Variants in LYG2 observed in about 807,000 individuals in gnomAD.
LYG2 encodes lysozyme g2, also known as lysozyme g-like protein 2.
A neutral mutation model predicts 22.4 loss-of-function variants in LYG2; 25 were observed. The observed-to-expected ratio is 1.12, with a 90% CI of 0.81 to 1.56. The LOEUF is 1.56. Among genes scored for constraint, LYG2 ranks in the 40% most tolerant of loss-of-function variants. The pLI, the probability that LYG2 is intolerant of heterozygous loss-of-function variation, is 0.00. For synonymous variants in LYG2, 88 were observed against 97.0 expected (o/e 0.91, Z 0.55); for missense variants, 266 against 269.5 (o/e 0.99, Z 0.09).
intron 1 of LYG2, among the ~76,000 whole-genome samples, 76 bp downstream of exon 1, chr2:99,255,527 A>C (rs546999849): frequency 6.6e-6 from 1 of 152,338 alleles, no homozygotes; most frequent in Non-Finnish European, 1.5e-5. Flanking sequence ...TAAATTTGCG[A>C]ATAAGAAACA....
chr2:99,249,426 C>CAAAAAAAAAAAAAAAA (rs74617660), intron 3 of LYG2, among the ~76,000 whole-genome samples: 24 of 92,584 alleles, frequency 2.6e-4, no homozygotes, highest in Non-Finnish European at 3.7e-4. Context: ...TCTCAAATCT[C>CAAAAAAAAAAAAAAAA]AAAAAAAAAA....
chr2:99,257,718 A>G (rs974530744), upstream of LYG2, among the ~76,000 whole-genome samples: 1 of 152,184 alleles, frequency 6.6e-6, no homozygotes, highest in African/African-American at 2.4e-5. Context: ...AAGACTCTTC[A>G]GTGCAGCAAT....
At position 99,245,392 on chromosome 2, in the gene LYG2, ATCAGAG is replaced by A. The variant is rs753939794; in HGVS notation, c.245_250del (p.Thr82_Leu83del). The stretch of plus-strand genomic sequence containing the variant: ...GCAATGTCTCTGCCCGACTTCTTTG[ATCAGAG>A]TCTGGTAAGGTTTTATGGCCCTCAA... On this transcript the variant is annotated inframe_deletion, in exon 5 of 7. Transcript: ENST00000333017. 3.7e-6 allele frequency: 6 copies of A among 1,613,144 alleles called. No individual in the cohort carries two copies. Among genetic ancestry groups the A allele is most frequent in the Non-Finnish European group, 5.1e-6 (6 of 1,179,512 alleles).
intron 6 of LYG2, chr2:99,243,446 T>TG: frequency 6.5e-7 from 1 of 1,549,960 alleles, no homozygotes; most frequent in Non-Finnish European, 8.7e-7. Flanking sequence ...GGAAAGTTGT[T>TG]GACAGTTTCT....
chr2:99,252,471 T>G (rs1172507737), intron 3 of LYG2, among the ~76,000 whole-genome samples: 1 of 152,108 alleles, frequency 6.6e-6, no homozygotes, highest in African/African-American at 2.4e-5. Context: ...AAGATAAATT[T>G]CATTAGGTCA....
chr2:99,245,452 C>T lies in LYG2; in HGVS notation c.191G>A (p.Arg64His), dbSNP rs762678883. The T allele has an allele frequency of 3.4e-5, 54 of 1,592,236 alleles. No individual in the cohort carries two copies. The highest frequency in any genetic ancestry group is 4.2e-5 in the Non-Finnish European group (49 of 1,164,500). The change falls in exon 5 of 7, where the codon CGT (arginine) becomes CAT (histidine). Residue 64 changes from arginine to histidine, a missense_variant. Arg to His is a conservative substitution (Grantham distance 29). Transcript: ENST00000333017. ...CATCTCAGCAAACATTTCAGAACCACGGATCCCTACGTCAATAGAAAAGAA... is the reference window on the plus strand; with the variant it reads ...CATCTCAGCAAACATTTCAGAACCATGGATCCCTACGTCAATAGAAAAGAA... ...DANSVMNCGI[R>H]GSEMFAEMDL...
intron 3 of LYG2, 64 bp from the exon 4 acceptor site, chr2:99,246,884 A>G: frequency 6.7e-7 from 1 of 1,486,500 alleles, no homozygotes; most frequent in Non-Finnish European, 9.2e-7. Flanking sequence ...TTGCTGCAAT[A>G]AACATCACTA....
chr2:99,254,420 C>T (rs1181096333), intron 2 of LYG2, 135 bp from the exon 3 acceptor site: 1 of 436,102 alleles, frequency 2.3e-6, no homozygotes, highest in Non-Finnish European at 4.1e-6. Flanking sequence ...AGATAGTATT[C>T]TCACAGGCTC....
At chr2:99,259,246 A>G (rs1315413074), upstream of LYG2, among the ~76,000 whole-genome samples, 3 of 152,080 alleles carry the variant, frequency 2.0e-5, no homozygotes, top group South Asian at 2.1e-4. Flanking sequence ...AAAGACTTGT[A>G]TGAGAATCTT....
rs559987298 is a variant in LYG2 at position 99,253,422 on chromosome 2, G to A, written c.43+796C>T. Reference sequence around the variant, plus strand: ...CCATAAGTAACTGGAAATTACTTTCGGGTAGCCTTGTTTTTCCAAATTTAG... The same window carrying A: ...CCATAAGTAACTGGAAATTACTTTCAGGTAGCCTTGTTTTTCCAAATTTAG... On this transcript the variant is annotated intron_variant, in intron 3 of 6. Coordinates refer to ENST00000333017, the MANE Select transcript of LYG2 (RefSeq NM_175735.4). 3.9e-5 allele frequency among the ~76,000 whole-genome samples: 6 copies of A among 152,156 alleles called. No individual in the cohort carries two copies. The South Asian group carries it at 6.2e-4, about 16-fold the overall frequency.
chr2:99,246,961 C>G, intron 3 of LYG2, 141 bp from the exon 4 acceptor site: 1 of 756,456 alleles, frequency 1.3e-6, no homozygotes. Flanking sequence ...GTTCCTCAGA[C>G]AGAAGTTCCC....
At chr2:99,260,325 T>C (rs1014391793), upstream of LYG2, among the ~76,000 whole-genome samples, 19 of 152,200 alleles carry the variant, frequency 1.2e-4, no homozygotes, top group African/African-American at 4.3e-4. Context: ...TAGCCTTCAC[T>C]CATTTAAAGT....
At position 99,245,361 on chromosome 2, in the gene LYG2, G is replaced by A; in HGVS notation, c.282C>T (p.Asp94=). 1.2e-6 allele frequency: 2 copies of A among 1,613,380 alleles called. No individual in the cohort carries two copies. Among genetic ancestry groups the A allele is most frequent in the Non-Finnish European group, 1.7e-6 (2 of 1,179,686 alleles). Reference sequence around the variant, plus strand: ...AGATGATGGCTGCGATGACAGCAGGGTCCACGCAATGTCTCTGCCCGACTT... The same window carrying A: ...AGATGATGGCTGCGATGACAGCAGGATCCACGCAATGTCTCTGCCCGACTT... The part of the protein sequence containing the change: ...IKEVGQRHCV[D]PAVIAAIISR... The change falls in exon 5 of 7, where the codon GAC becomes GAT. Residue 94 remains aspartate (D), a synonymous_variant. Coordinates refer to ENST00000333017, the MANE Select transcript of LYG2 (RefSeq NM_175735.4).
upstream of LYG2, among the ~76,000 whole-genome samples, chr2:99,259,094 A>G (rs1276918289): frequency 1.3e-5 from 2 of 152,168 alleles, no homozygotes; most frequent in African/African-American, 4.8e-5. Context: ...ACTCTCATAC[A>G]TTGCTGGTTG....
At position 99,249,619 on chromosome 2, in the gene LYG2, G is replaced by C. The variant is rs548026997; in HGVS notation, c.44-2799C>G. 2.0e-4 allele frequency among the ~76,000 whole-genome samples: 31 copies of C among 151,734 alleles called. No homozygotes were observed. In the South Asian group the frequency reaches 6.5e-3, roughly 32 times the overall value. On this transcript the variant is annotated intron_variant, in intron 3 of 6. Coordinates refer to ENST00000333017, the MANE Select transcript of LYG2 (RefSeq NM_175735.4). Reference sequence around the variant, plus strand: ...TCTACTAAAAATACAAAATTAGCCAGGCATGGTGGTGCATGCCTGTAATCC... The same window carrying C: ...TCTACTAAAAATACAAAATTAGCCACGCATGGTGGTGCATGCCTGTAATCC...
At chr2:99,243,962 T>C (rs1348773919) in intron 6 of LYG2, 37 bp downstream of exon 6, 5 of 1,613,182 alleles carry the variant, frequency 3.1e-6, no homozygotes, top group Non-Finnish European at 4.2e-6. Flanking sequence ...GTCTCATTCA[T>C]TGCTCATTTA....
intron 6 of LYG2, chr2:99,243,336 C>A: frequency 8.8e-7 from 1 of 1,141,806 alleles, no homozygotes; most frequent in Non-Finnish European, 1.2e-6. Flanking sequence ...AGATGCTGAA[C>A]TTGAGGGGGC....
At chr2:99,246,844 C>G (rs1235863189) in intron 3 of LYG2, 24 bp from the exon 4 acceptor site, 2 of 1,601,854 alleles carry the variant, frequency 1.2e-6, no homozygotes, top group Admixed American at 3.5e-5. Context: ...GTGTAACTCA[C>G]ATGAATCCTC....
chr2:99,251,618 G>T (rs541046942), intron 3 of LYG2, among the ~76,000 whole-genome samples: 1 of 152,120 alleles, frequency 6.6e-6, no homozygotes, highest in South Asian at 2.1e-4. Context: ...ATATTTTCTA[G>T]TTCCTGCCAC....
Sources: allele counts gnomAD v4.1 joint callset (sites outside exome capture counted in the v4.1 genomes callset), GRCh38; gene constraint gnomAD v4.1.1; transcripts MANE v1.5; gene names NCBI Gene and HGNC (gene_info 2026-07-23, HGNC 2026-07-21).